CTTNBP2: variants seen among roughly 807,000 people sequenced by gnomAD.
CTTNBP2 encodes cortactin-binding protein 2.
A neutral mutation model predicts 156.9 loss-of-function variants in CTTNBP2; 108 were observed. That is an observed-to-expected ratio of 0.69 (90% confidence interval 0.59 to 0.81). The LOEUF is 0.81. Among genes scored for constraint, CTTNBP2 ranks in the 30% least tolerant of loss-of-function variants. The pLI is 0.00. For synonymous variants in CTTNBP2, 767 were observed against 751.8 expected (o/e 1.02, Z -0.33); for missense variants, 1,924 against 2,035.4 (o/e 0.95, Z 1.05).
At chr7:117,860,986 C>T (rs376957798) in intron 2 of CTTNBP2, among the ~76,000 whole-genome samples, 3 of 152,180 alleles carry the variant, frequency 2.0e-5, no homozygotes, top group African/African-American at 7.2e-5. Flanking sequence ...CCGTACTAAA[C>T]AGTTTCGTCT....
At chr7:117,832,804 T>C (rs1375272871) in intron 2 of CTTNBP2, among the ~76,000 whole-genome samples, 5 of 144,162 alleles carry the variant, frequency 3.5e-5, no homozygotes. Flanking sequence ...TGGAGTACAG[T>C]GGCGCAATCT....
Position 117,724,094 on chromosome 7 carries a change from C to T in CTTNBP2, c.4447+453G>A, listed in dbSNP as rs543121393. 1.2e-4 allele frequency among the ~76,000 whole-genome samples: 18 copies of T among 151,956 alleles called. No individual in the cohort carries two copies. The South Asian group carries it at 1.5e-3, about 12-fold the overall frequency. On this transcript the variant is annotated intron_variant, in intron 19 of 22. Coordinates refer to ENST00000160373, the MANE Select transcript of CTTNBP2 (RefSeq NM_033427.3). ...AGACTAAAACCCAGCACATGGTACA[C>T]GTCATACATAAGAAAGAAATGTGTA...
At chr7:117,737,419 C>T (rs1795765941) in intron 14 of CTTNBP2, among the ~76,000 whole-genome samples, 1 of 152,178 alleles carries the variant, frequency 6.6e-6, no homozygotes, top group Non-Finnish European at 1.5e-5. Flanking sequence ...GTTTAAGTGG[C>T]TCTGAAGCTG....
Position 117,811,008 on chromosome 7 carries a change from A to G in CTTNBP2, c.190-19T>C. ...TGCGAGCCTGGAACAAAATTAGAGA[A>G]ATGTATTGAAGAAAGAAATGAAAAT... On this transcript the variant is annotated intron_variant, in intron 2 of 22. Transcript: ENST00000160373. 1 of 1,543,466 alleles carries G rather than the reference A, an allele frequency of 6.5e-7. No homozygotes were observed. The highest frequency in any genetic ancestry group is 8.9e-7 in the Non-Finnish European group (1 of 1,117,964).
intron 2 of CTTNBP2, among the ~76,000 whole-genome samples, chr7:117,817,757 A>G (rs1005361307): frequency 5.9e-5 from 9 of 152,128 alleles, no homozygotes; most frequent in Admixed American, 2.6e-4. Flanking sequence ...ACTAACAAAA[A>G]AAACTTTTAT....
intron 2 of CTTNBP2, among the ~76,000 whole-genome samples, chr7:117,817,333 CA>C (rs1165563266): frequency 0.068 from 1,837 of 26,986 alleles, 493 homozygotes; most frequent in East Asian, 0.39. Context: ...GACTCCATCT[CA>C]AAAAAAAAAA....
chr7:117,716,039 C>T (rs1794338802), intron 22 of CTTNBP2: 1 of 152,012 alleles, frequency 6.6e-6, no homozygotes, highest in Non-Finnish European at 1.5e-5. Context: ...GGGGAAGAGT[C>T]CCTCCAAATA....
rs1245241770 is a variant in CTTNBP2, at chr7:117,792,252, T to C, written c.944A>G (p.Asn315Ser). ...VACQTDLVTE[N>S]ADHMKKLPLT... The stretch of plus-strand genomic sequence containing the variant: ...AGGCAACTTTTTCATGTGGTCAGCA[T>C]TTTCTGTCACTAGGTCTGTCTGGCA... Residue 315 changes from asparagine (N) to serine (S), a missense_variant, in exon 4 of 23, where the codon AAT (asparagine) becomes AGT (serine). Transcript: ENST00000160373. The surrounding 1 kb of genome is among the most constrained non-coding windows in gnomAD (Gnocchi z 4.2). 1.2e-6 allele frequency: 2 copies of C among 1,614,202 alleles called. No individual in the cohort carries two copies. Among genetic ancestry groups the C allele is most frequent in the Middle Eastern group, 1.6e-4 (1 of 6,062 alleles).
At chr7:117,747,499 G>A (rs577978668) in intron 12 of CTTNBP2, among the ~76,000 whole-genome samples, 2 of 152,328 alleles carry the variant, frequency 1.3e-5, no homozygotes, top group South Asian at 2.1e-4. Context: ...TGGGCCGCAC[G>A]TGGTGGCTCA....
intron 2 of CTTNBP2, among the ~76,000 whole-genome samples, chr7:117,819,367 TCACACACACACACACA>T (rs71529472): frequency 1.5e-5 from 2 of 130,610 alleles, no homozygotes; most frequent in Non-Finnish European, 1.7e-5. Context: ...TCTCTCTCTC[TCACACACACACACACA>T]CACACACACA....
In CTTNBP2 at chr7:117,782,912, A is replaced by C. The variant is rs1798509726; in HGVS notation, c.2322T>G (p.Asp774Glu). The change falls in exon 6 of 23, where the codon GAT becomes GAG. Residue 774 changes from aspartate to glutamate, a missense_variant. Coordinates refer to ENST00000160373, the MANE Select transcript of CTTNBP2 (RefSeq NM_033427.3). ...CACACAAGGGTGTGAAGCCATTTTT[A>C]TCAGCAGCATTGACTTGGGCTTCTG... ...LSAEAQVNAA[D>E]KNGFTPLCAA... The C allele has an allele frequency of 1.2e-6, 2 of 1,614,154 alleles. No homozygotes were observed. The highest frequency in any genetic ancestry group is 8.5e-7 in the Non-Finnish European group (1 of 1,179,996).
At chr7:117,813,314 A>G (rs1172670659) in intron 2 of CTTNBP2, among the ~76,000 whole-genome samples, 1 of 152,200 alleles carries the variant, frequency 6.6e-6, no homozygotes, top group African/African-American at 2.4e-5. Context: ...AAATGAAGAC[A>G]TGGGCTTTTT....
At chr7:117,799,586 A>G (rs879354047) in intron 3 of CTTNBP2, among the ~76,000 whole-genome samples, 39 of 152,110 alleles carry the variant, frequency 2.6e-4, no homozygotes, top group Admixed American at 2.6e-3. Flanking sequence ...CCCTAAGAAA[A>G]AGACAATAAA....
At position 117,810,760 on chromosome 7, in the gene CTTNBP2, A is replaced by G. The variant is rs1269950329; in HGVS notation, c.414+5T>C. 1 of 1,612,054 alleles carries G rather than the reference A, an allele frequency of 6.2e-7. No individual in the cohort carries two copies. On this transcript the variant is annotated splice_donor_5th_base_variant and intron_variant, in intron 3 of 22. Coordinates refer to ENST00000160373, the MANE Select transcript of CTTNBP2 (RefSeq NM_033427.3). ...GGGAAAATGACCATTTGAACGCCTCAATACCTTCTTTTGTCTGCTCTCAGC... is the reference window on the plus strand; with the variant it reads ...GGGAAAATGACCATTTGAACGCCTCGATACCTTCTTTTGTCTGCTCTCAGC...
chr7:117,740,329 T>C (rs1795931175), intron 14 of CTTNBP2, among the ~76,000 whole-genome samples: 1 of 151,900 alleles, frequency 6.6e-6, no homozygotes. Context: ...TTCTGTCTTT[T>C]TGCTCACACC....
At position 117,815,018 on chromosome 7, in the gene CTTNBP2, G is replaced by T. The variant is rs138522844; in HGVS notation, c.190-4029C>A. Among the ~76,000 whole-genome samples, 135 of 152,288 alleles carry T rather than the reference G, an allele frequency of 8.9e-4. 1 individual carries two copies. Among genetic ancestry groups the T allele is most frequent in the African/African-American group, 3.1e-3 (127 of 41,564 alleles). On this transcript the variant is annotated intron_variant, in intron 2 of 22. Transcript: ENST00000160373. The stretch of plus-strand genomic sequence containing the variant: ...GGCAAAAATGAATGTCAAAGACCAC[G>T]TGTTCTTCATTAACATCCTAAACTC...
In CTTNBP2 at chr7:117,710,958, C is replaced by T. The variant is rs1794022861; in HGVS notation, c.*579G>A. The T allele has an allele frequency of 6.6e-6, 1 of 152,580 alleles. No individual in the cohort carries two copies. The highest frequency in any genetic ancestry group is 1.5e-5 in the Non-Finnish European group (1 of 68,040). The allele number at this position is 152,580 out of a possible 1,614,324, so 9.5% of individuals were successfully genotyped here. ...ATGCTACCAAATGGCAATGTAACCACTAAGAGATTTAAAACATAAAACTAG... is the reference window on the plus strand; with the variant it reads ...ATGCTACCAAATGGCAATGTAACCATTAAGAGATTTAAAACATAAAACTAG... On this transcript the variant is annotated 3_prime_UTR_variant, in exon 23 of 23. Coordinates refer to ENST00000160373, the MANE Select transcript of CTTNBP2 (RefSeq NM_033427.3).
At chr7:117,851,695 T>C (rs1363719425) in intron 2 of CTTNBP2, among the ~76,000 whole-genome samples, 1 of 152,152 alleles carries the variant, frequency 6.6e-6, no homozygotes, top group Non-Finnish European at 1.5e-5. Flanking sequence ...AGTTGTCCTA[T>C]CTACAGTCCA....
chr7:117,759,269 A>ACCTAATTT (rs1797060600), intron 10 of CTTNBP2, among the ~76,000 whole-genome samples: 1 of 151,996 alleles, frequency 6.6e-6, no homozygotes, highest in Admixed American at 6.6e-5. Flanking sequence ...GACCGCACCC[A>ACCTAATTT]CCTAATTTTA....
Sources: allele counts gnomAD v4.1 joint callset (sites outside exome capture counted in the v4.1 genomes callset), GRCh38; gene constraint gnomAD v4.1.1; non-coding constraint Gnocchi (gnomAD v3.1); transcripts MANE v1.5; gene names NCBI Gene and HGNC (gene_info 2026-07-23, HGNC 2026-07-21).